The following UPF2 variants were observed in gnomAD, a reference collection of about 807,000 sequenced individuals.
UPF2 encodes UPF2 regulator of nonsense mediated mRNA decay, also known as regulator of nonsense transcripts 2.
Under a neutral mutation model 141.4 loss-of-function variants are expected in UPF2, and 17 were observed. The ratio of observed to expected loss-of-function variants is 0.12; its 90% confidence interval spans 0.08 to 0.18. The LOEUF is 0.18. Ranked by LOEUF, UPF2 falls within the 10% of genes least tolerant of loss-of-function variation. The probability of loss-of-function intolerance (pLI) is 1.00; values close to 1 mark genes in which losing one functional copy is unlikely to be tolerated. For missense variants in UPF2, 1,152 were observed against 1,515.9 expected (o/e 0.76, Z 3.99); for synonymous variants, 540 against 498.0 (o/e 1.08, Z -1.12).
intron 2 of UPF2, among the ~76,000 whole-genome samples, chr10:12,033,003 A>AC (rs1277142834): frequency 1.3e-5 from 2 of 151,986 alleles, no homozygotes; most frequent in African/African-American, 2.4e-5. Context: ...TGCCACCATC[A>AC]CCCCCCCAAA....
chr10:11,920,231 C>G lies in UPF2; in HGVS notation c.*1067G>C, dbSNP rs934434250. The G allele has an allele frequency of 3.9e-5, 6 of 152,108 alleles. No homozygotes were observed. Among genetic ancestry groups the G allele is most frequent in the Non-Finnish European group, 4.4e-5 (3 of 68,030 alleles). The allele number at this position is 152,108 out of a possible 1,614,324, so 9.4% of individuals were successfully genotyped here. A position where few individuals can be genotyped will look rare whatever the true frequency, so the allele number is the denominator to read the frequency against. On this transcript the variant is annotated 3_prime_UTR_variant, in exon 22 of 22. Coordinates refer to ENST00000357604, the MANE Select transcript of UPF2 (RefSeq NM_015542.4). ...AAGTTGTCGCATACAGATGTGCTCT[C>G]CGACTAAATATACTACGCCTGCTGG...
chr10:11,965,360 G>A (rs1833301795), intron 10 of UPF2, among the ~76,000 whole-genome samples: 1 of 152,088 alleles, frequency 6.6e-6, no homozygotes, highest in African/African-American at 2.4e-5. Context: ...AATGCTATCT[G>A]GAATTTACCT....
rs1314319241 is a variant in UPF2 at position 11,948,237 on chromosome 10, GACT to G, written c.3174+129_3174+131del. ...CACTCCAACTTGGGCGACAGAGCAA[GACT>G]CTGTCTCAAAAAAAAAAAAAAAAAA... On this transcript the variant is annotated intron_variant, in intron 16 of 21. Coordinates refer to ENST00000357604, the MANE Select transcript of UPF2 (RefSeq NM_015542.4). 4.2e-4 allele frequency: 378 copies of G among 909,112 alleles called. 1 individual carries two copies. In the African/African-American group the frequency reaches 8.0e-3, roughly 19 times the overall value. 56.3% of individuals were successfully genotyped at this position (909,112 alleles called of 1,614,324 possible). A position where few individuals can be genotyped will look rare whatever the true frequency, so the allele number is the denominator to read the frequency against.
chr10:12,033,684 T>C (rs1834569048), intron 2 of UPF2, among the ~76,000 whole-genome samples: 1 of 152,198 alleles, frequency 6.6e-6, no homozygotes, highest in East Asian at 1.9e-4. Context: ...CTTTTTTAGT[T>C]AAAAATAAAT....
At chr10:11,961,489 A>T (rs563889074) in intron 11 of UPF2, among the ~76,000 whole-genome samples, 1 of 151,956 alleles carries the variant, frequency 6.6e-6, no homozygotes, top group Non-Finnish European at 1.5e-5. Context: ...TGTTCCTAGT[A>T]GGGAGCAGCA....
Position 11,955,496 on chromosome 10 carries a change from A to C in UPF2, c.2586T>G (p.Pro862=), listed in dbSNP as rs749125100. The change falls in exon 14 of 22, where the codon CCT becomes CCG. Residue 862 remains proline, a synonymous_variant. Transcript: ENST00000357604. ...DIRLGMEVNQ[P]KFNQRRISSA... ...TGCTGATGCGCCTCTGATTAAATTT[A>C]GGTTGATTAACCTAAAAGGCAACAA... 3 of 1,610,892 alleles carry C rather than the reference A, an allele frequency of 1.9e-6. No homozygotes were observed. In the African/African-American group the frequency reaches 4.0e-5, roughly 22 times the overall value.
intron 3 of UPF2, among the ~76,000 whole-genome samples, chr10:12,024,956 A>AC (rs1834392308): frequency 6.8e-6 from 1 of 147,354 alleles, no homozygotes; most frequent in Non-Finnish European, 1.5e-5. Flanking sequence ...AAAAAAAAAA[A>AC]ACACAGCTAC....
At chr10:11,968,707 T>C (rs1280483018) in intron 9 of UPF2, among the ~76,000 whole-genome samples, 1 of 152,194 alleles carries the variant, frequency 6.6e-6, no homozygotes, top group Non-Finnish European at 1.5e-5. Flanking sequence ...AACAAAATCC[T>C]GCTGCAACAG....
intron 14 of UPF2, among the ~76,000 whole-genome samples, chr10:11,954,586 A>G (rs1833118879): frequency 6.6e-6 from 1 of 150,446 alleles, no homozygotes; most frequent in Non-Finnish European, 1.5e-5. Flanking sequence ...GTGAGCTGAG[A>G]TTGCACCACT....
chr10:11,951,123 C>A (rs1192146947), intron 15 of UPF2, among the ~76,000 whole-genome samples: 1 of 152,074 alleles, frequency 6.6e-6, no homozygotes. Context: ...AGTGCAATGG[C>A]GTGATCTTGG....
intron 3 of UPF2, among the ~76,000 whole-genome samples, chr10:12,023,510 T>TAAA (rs762703531): frequency 8.5e-6 from 1 of 117,262 alleles, no homozygotes. Flanking sequence ...CTGTCTCTAC[T>TAAA]AAAAAAAAAA....
chr10:12,006,529 C>T (rs904542547), intron 4 of UPF2, among the ~76,000 whole-genome samples: 88 of 152,104 alleles, frequency 5.8e-4, no homozygotes, highest in African/African-American at 2.1e-3. Flanking sequence ...CCTCGAAACT[C>T]CTTACTTTCC....
intron 8 of UPF2, among the ~76,000 whole-genome samples, chr10:11,983,946 G>A (rs1452357689): frequency 1.3e-5 from 2 of 150,542 alleles, no homozygotes; most frequent in Non-Finnish European, 3.0e-5. Context: ...TTTTTGAGAC[G>A]GAGTTTCGTT....
Position 11,952,223 on chromosome 10 carries a change from C to G in UPF2, c.2877G>C (p.Leu959Phe). 6.2e-7 allele frequency: 1 copy of G among 1,608,834 alleles called. No homozygotes were observed. The highest frequency in any genetic ancestry group is 8.5e-7 in the Non-Finnish European group (1 of 1,178,314). Residue 959 changes from leucine (L) to phenylalanine (F), a missense_variant, in exon 15 of 22, where the codon TTG (leucine) becomes TTC (phenylalanine). Physicochemically the swap from Leu to Phe is conservative, Grantham distance 22. Transcript: ENST00000357604. Reference sequence around the variant, plus strand: ...ATGGATGGTCTTTTGTCCAAACCTCCAAACTTTTCTTCCACCAAACATAAC... The same window carrying G: ...ATGGATGGTCTTTTGTCCAAACCTCGAAACTTTTCTTCCACCAAACATAAC... ...FQRYVWWKKSLEVWTKDHPFP... is the reference protein window; with the variant it reads ...FQRYVWWKKSFEVWTKDHPFP...
rs1263628189 is a variant in UPF2 at position 11,956,834 on chromosome 10, C to G, written c.2371-311G>C. On this transcript the variant is annotated intron_variant, in intron 12 of 21. Transcript: ENST00000357604. The surrounding 1 kb of genome is among the most constrained non-coding windows in gnomAD (Gnocchi z 4.2). ...GGAGTTTGGAGTAGGTTTCTTTTTC[C>G]CCCCCAGACACAGTCTCACTCTGTC... Among the ~76,000 whole-genome samples the G allele has an allele frequency of 6.6e-6, 1 of 151,674 alleles. No homozygotes were observed. The highest frequency in any genetic ancestry group is 1.5e-5 in the Non-Finnish European group (1 of 67,914).
intron 20 of UPF2, 128 bp from the exon 21 acceptor site, chr10:11,930,113 C>G: frequency 1.5e-6 from 2 of 1,307,648 alleles, no homozygotes; most frequent in Non-Finnish European, 2.1e-6. Flanking sequence ...AGAAAAATAG[C>G]CATTATACAG....
chr10:12,036,722 G>T (rs1212199932), intron 1 of UPF2, among the ~76,000 whole-genome samples: 1 of 152,192 alleles, frequency 6.6e-6, no homozygotes, highest in South Asian at 2.1e-4. Flanking sequence ...TCTAAGAGTT[G>T]TATATAAGAA....
Position 11,939,091 on chromosome 10 carries a change from C to T in UPF2, c.3379-2379G>A, listed in dbSNP as rs1016798109. On this transcript the variant is annotated intron_variant, in intron 18 of 21. Transcript: ENST00000357604. The surrounding 1 kb of genome is among the most constrained non-coding windows in gnomAD (Gnocchi z 4.8). Reference sequence around the variant, plus strand: ...TTCACCGTGTTAGCTAGGAGGGTCTCGATCTCCTGACCTCGTGATCCTCCC... The same window carrying T: ...TTCACCGTGTTAGCTAGGAGGGTCTTGATCTCCTGACCTCGTGATCCTCCC... Among the ~76,000 whole-genome samples the T allele has an allele frequency of 1.1e-4, 16 of 151,796 alleles. No homozygotes were observed. The highest frequency in any genetic ancestry group is 3.4e-4 in the African/African-American group (14 of 41,292).
intron 3 of UPF2, chr10:12,026,768 A>C (rs1308640551): frequency 2.4e-6 from 1 of 408,540 alleles, no homozygotes; most frequent in African/African-American, 2.1e-5. Flanking sequence ...CTCCTGCCTC[A>C]GTCCCCCACA....
Sources: allele counts gnomAD v4.1 joint callset (sites outside exome capture counted in the v4.1 genomes callset), GRCh38; gene constraint gnomAD v4.1.1; non-coding constraint Gnocchi (gnomAD v3.1); transcripts MANE v1.5; gene names NCBI Gene and HGNC (gene_info 2026-07-23, HGNC 2026-07-21).